The following IL15RA variants were observed in gnomAD, a reference collection of about 807,000 sequenced individuals.
IL15RA encodes interleukin-15 receptor subunit alpha.
Under a neutral mutation model 24.2 loss-of-function variants are expected in IL15RA, and 26 were observed. The observed-to-expected ratio is 1.07, with a 90% CI of 0.79 to 1.49. The LOEUF is 1.49. Among genes scored for constraint, IL15RA ranks in the 40% most tolerant of loss-of-function variants. IL15RA has a pLI of 0.00. For synonymous variants in IL15RA, 166 were observed against 157.6 expected (o/e 1.05, Z -0.40); for missense variants, 354 against 356.4 (o/e 0.99, Z 0.05).
At chr10:5,976,245 G>C (rs960293233) in intron 1 of IL15RA, among the ~76,000 whole-genome samples, 7 of 135,756 alleles carry the variant, frequency 5.2e-5, no homozygotes, top group African/African-American at 8.0e-5. Flanking sequence ...TCATGAAAAC[G>C]AAACTTCAAG....
rs1835698506 is a variant in IL15RA at position 5,962,206 on chromosome 10, C to G, written c.382+1537G>C. Among the ~76,000 whole-genome samples, 1 of 152,204 alleles carries G rather than the reference C, an allele frequency of 6.6e-6. No individual in the cohort carries two copies. The highest frequency in any genetic ancestry group is 1.5e-5 in the Non-Finnish European group (1 of 68,034). ...TTAAATGGAGCCAGCCCCTCAACCC[C>G]TTCCTCCCTGTGCAGGTGACTCACT... On this transcript the variant is annotated intron_variant, in intron 3 of 6. Coordinates refer to ENST00000379977, the MANE Select transcript of IL15RA (RefSeq NM_002189.4). The surrounding 1 kb of genome is among the most constrained non-coding windows in gnomAD (Gnocchi z 5.2).
intron 1 of IL15RA, among the ~76,000 whole-genome samples, chr10:5,976,584 TAAAG>T (rs1430931862): frequency 6.6e-6 from 1 of 152,102 alleles, no homozygotes; most frequent in Non-Finnish European, 1.5e-5. Flanking sequence ...TATAAAAAGA[TAAAG>T]AAGCGCTGAC....
Position 5,970,230 on chromosome 10 carries a change from C to T in IL15RA, c.89-3891G>A, listed in dbSNP as rs921774798. Among the ~76,000 whole-genome samples the T allele has an allele frequency of 6.6e-5, 10 of 152,228 alleles. No individual in the cohort carries two copies. The highest frequency in any genetic ancestry group is 1.9e-4 in the African/African-American group (8 of 41,522). ...CTTTACCTTATCACAGTTTTCCTTC[C>T]GGTGATGTTATACCACCACATACAT... On this transcript the variant is annotated intron_variant, in intron 1 of 6. Coordinates refer to ENST00000379977, the MANE Select transcript of IL15RA (RefSeq NM_002189.4). This position sits in a 1 kb window ranked among gnomAD's most constrained non-coding sequence, Gnocchi z 4.1.
At position 5,952,827 on chromosome 10, in the gene IL15RA, G is replaced by T. The variant is rs1833997667; in HGVS notation, c.*268C>A. On this transcript the variant is annotated 3_prime_UTR_variant, in exon 7 of 7. Coordinates refer to ENST00000379977, the MANE Select transcript of IL15RA (RefSeq NM_002189.4). ...CACACTGTAATGAAATAAAAATCCT[G>T]CTCAGAAGCCTTTGGTCTCTCCTGG... 2 of 543,408 alleles carry T rather than the reference G, an allele frequency of 3.7e-6. No individual in the cohort carries two copies. The highest frequency in any genetic ancestry group is 6.5e-6 in the Non-Finnish European group (2 of 307,928). The allele number at this position is 543,408 out of a possible 1,614,324, so 33.7% of individuals were successfully genotyped here.
chr10:5,961,948 C>A lies in IL15RA; in HGVS notation c.383-1381G>T, dbSNP rs1455658467. ...GCTCACTGCCAATGCTCCAGGGCTCCCTGCACAGGACGCACCAAGGCATCC... is the reference window on the plus strand; with the variant it reads ...GCTCACTGCCAATGCTCCAGGGCTCACTGCACAGGACGCACCAAGGCATCC... On this transcript the variant is annotated intron_variant, in intron 3 of 6. Transcript: ENST00000379977. The surrounding 1 kb of genome is among the most constrained non-coding windows in gnomAD (Gnocchi z 5.2). Among the ~76,000 whole-genome samples the A allele has an allele frequency of 1.3e-5, 2 of 152,206 alleles. No individual in the cohort carries two copies. Among genetic ancestry groups the A allele is most frequent in the Non-Finnish European group, 2.9e-5 (2 of 68,028 alleles).
At position 5,958,700 on chromosome 10, in the gene IL15RA, A is replaced by G. The variant is rs1311040670; in HGVS notation, c.616+1054T>C. ...CCTCGCCCAGCCTGATTGTTTTTTA[A>G]ACGATTCTAATCAATTAACTGCTAA... On this transcript the variant is annotated intron_variant, in intron 5 of 6. Coordinates refer to ENST00000379977, the MANE Select transcript of IL15RA (RefSeq NM_002189.4). This position sits in a 1 kb window ranked among gnomAD's most constrained non-coding sequence, Gnocchi z 4.3. Among the ~76,000 whole-genome samples, 1 of 151,998 alleles carries G rather than the reference A, an allele frequency of 6.6e-6. No homozygotes were observed. The highest frequency in any genetic ancestry group is 1.5e-5 in the Non-Finnish European group (1 of 67,978).
upstream of IL15RA, chr10:5,978,282 T>A (rs1198448773): frequency 1.3e-5 from 2 of 152,664 alleles, no homozygotes; most frequent in African/African-American, 4.8e-5. The surrounding 1 kb of genome is among the most constrained non-coding windows in gnomAD (Gnocchi z 5.2). Flanking sequence ...TGAGCCTCGC[T>A]TCCTTAGGTT....
At chr10:5,972,045 G>A (rs971724677) in intron 1 of IL15RA, among the ~76,000 whole-genome samples, 3 of 152,176 alleles carry the variant, frequency 2.0e-5, no homozygotes, top group Non-Finnish European at 2.9e-5. Context: ...CATTGACACC[G>A]CCTGTGTTCA....
At position 5,952,994 on chromosome 10, in the gene IL15RA, T is replaced by A. The variant is rs1013915244; in HGVS notation, c.*101A>T. 2 of 865,708 alleles carry A rather than the reference T, an allele frequency of 2.3e-6. No individual in the cohort carries two copies. Among genetic ancestry groups the A allele is most frequent in the Non-Finnish European group, 3.8e-6 (2 of 528,080 alleles). 53.6% of individuals were successfully genotyped at this position (865,708 alleles called of 1,614,324 possible). A position where few individuals can be genotyped will look rare whatever the true frequency, so the allele number is the denominator to read the frequency against. Reference sequence around the variant, plus strand: ...GGACTTCTGAGAGGCCTGGTGAGCTTGCTCCTGGAGCCCGCTTCCTTGCAC... The same window carrying A: ...GGACTTCTGAGAGGCCTGGTGAGCTAGCTCCTGGAGCCCGCTTCCTTGCAC... On this transcript the variant is annotated 3_prime_UTR_variant, in exon 7 of 7. Transcript: ENST00000379977.
Position 5,960,634 on chromosome 10 carries a change from G to T in IL15RA, c.383-67C>A. The T allele has an allele frequency of 7.3e-7, 1 of 1,363,702 alleles. No individual in the cohort carries two copies. The highest frequency in any genetic ancestry group is 1.0e-6 in the Non-Finnish European group (1 of 968,844). The allele number at this position is 1,363,702 out of a possible 1,614,324, so 84.5% of individuals were successfully genotyped here. ...CTCCCCTCCTCTCAGCTGCAGCACG[G>T]GGTGATGTGGGAGCTGCCATAGTGA... On this transcript the variant is annotated intron_variant, in intron 3 of 6. Transcript: ENST00000379977. The surrounding 1 kb of genome is among the most constrained non-coding windows in gnomAD (Gnocchi z 5.1).
rs1199788523 is a variant in IL15RA at position 5,973,709 on chromosome 10, A to G, written c.88+3696T>C. Among the ~76,000 whole-genome samples, 1 of 152,262 alleles carries G rather than the reference A, an allele frequency of 6.6e-6. No homozygotes were observed. The highest frequency in any genetic ancestry group is 2.4e-5 in the African/African-American group (1 of 41,466). Reference sequence around the variant, plus strand: ...AGCCATAAATGTAAACCCTAAAGCTATAAAACTTCTAGAGGAACACATAGA... The same window carrying G: ...AGCCATAAATGTAAACCCTAAAGCTGTAAAACTTCTAGAGGAACACATAGA... On this transcript the variant is annotated intron_variant, in intron 1 of 6. Coordinates refer to ENST00000379977, the MANE Select transcript of IL15RA (RefSeq NM_002189.4). This position sits in a 1 kb window ranked among gnomAD's most constrained non-coding sequence, Gnocchi z 4.5.
In IL15RA at chr10:5,960,288, G is replaced by A; in HGVS notation, c.583+79C>T. ...GACTTTGGATTGATGGTATAAAGCT[G>A]CCTTGTGCCGGATCTCAGCCCCGAT... On this transcript the variant is annotated intron_variant, in intron 4 of 6. Transcript: ENST00000379977. This position sits in a 1 kb window ranked among gnomAD's most constrained non-coding sequence, Gnocchi z 5.1. 7.6e-7 allele frequency: 1 copy of A among 1,309,190 alleles called. No homozygotes were observed. The highest frequency in any genetic ancestry group is 1.1e-6 in the Non-Finnish European group (1 of 907,862). The allele number at this position is 1,309,190 out of a possible 1,614,324, so 81.1% of individuals were successfully genotyped here. A position where few individuals can be genotyped will look rare whatever the true frequency, so the allele number is the denominator to read the frequency against.
At chr10:5,969,060 T>C (rs1837116654) in intron 1 of IL15RA, 3 of 1,203,564 alleles carry the variant, frequency 2.5e-6, no homozygotes, top group African/African-American at 3.0e-5. Context: ...CACCAATCGA[T>C]TCCATCGATC....
intron 6 of IL15RA, among the ~76,000 whole-genome samples, chr10:5,954,315 T>C (rs1228275507): frequency 7.2e-5 from 11 of 152,118 alleles, no homozygotes; most frequent in Non-Finnish European, 1.6e-4. Flanking sequence ...GGTTTCACCA[T>C]GTTGGCCAGG....
chr10:5,966,178 C>A lies in IL15RA; in HGVS notation c.250G>T (p.Ala84Ser). ...TTGAGACTGGGGGTTGTCCAGTGGGCGACATTCGTGGCCTTGTTCAACACG... is the reference window on the plus strand; with the variant it reads ...TTGAGACTGGGGGTTGTCCAGTGGGAGACATTCGTGGCCTTGTTCAACACG... The part of the protein sequence containing the change: ...ECVLNKATNV[A>S]HWTTPSLKCI... The change falls in exon 2 of 7, where the codon GCC becomes TCC. Residue 84 changes from alanine (A) to serine (S), a missense_variant. Physicochemically the swap from Ala to Ser is moderately conservative, Grantham distance 99 (BLOSUM62 1). Coordinates refer to ENST00000379977, the MANE Select transcript of IL15RA (RefSeq NM_002189.4). The surrounding 1 kb of genome is among the most constrained non-coding windows in gnomAD (Gnocchi z 6.4). The A allele has an allele frequency of 6.2e-7, 1 of 1,611,950 alleles. No individual in the cohort carries two copies. The highest frequency in any genetic ancestry group is 1.1e-5 in the South Asian group (1 of 91,046).
chr10:5,953,142 TC>T lies in IL15RA; in HGVS notation c.756del (p.Thr253ProfsTer24), dbSNP rs747204291. 5 of 1,614,044 alleles carry T rather than the reference TC, an allele frequency of 3.1e-6. No homozygotes were observed. Among genetic ancestry groups the T allele is most frequent in the Non-Finnish European group, 4.2e-6 (5 of 1,180,024 alleles). On this transcript the variant is annotated frameshift_variant, in exon 7 of 7. Transcript: ENST00000379977. LOFTEE classifies it low-confidence loss of function (END_TRUNC). This position sits in a 1 kb window ranked among gnomAD's most constrained non-coding sequence, Gnocchi z 5.3. ...EAMEALPVTW[G>X]TSSRDEDLEN... ...TCCAAGTCTTCATCTCTGCTGCTGG[TC>T]CCCCAAGTCACCGGCAGAGCCTCCA...
At position 5,965,431 on chromosome 10, in the gene IL15RA, C is replaced by T. The variant is rs1207771633; in HGVS notation, c.283+714G>A. Among the ~76,000 whole-genome samples the T allele has an allele frequency of 6.6e-6, 1 of 152,252 alleles. No individual in the cohort carries two copies. Among genetic ancestry groups the T allele is most frequent in the Non-Finnish European group, 1.5e-5 (1 of 68,048 alleles). Reference sequence around the variant, plus strand: ...ACACTAGCGTGCTCATGAGTGCCCGCCCAGCTCTGCAGCCAAATTCTCCTG... The same window carrying T: ...ACACTAGCGTGCTCATGAGTGCCCGTCCAGCTCTGCAGCCAAATTCTCCTG... On this transcript the variant is annotated intron_variant, in intron 2 of 6. Coordinates refer to ENST00000379977, the MANE Select transcript of IL15RA (RefSeq NM_002189.4). This position sits in a 1 kb window ranked among gnomAD's most constrained non-coding sequence, Gnocchi z 5.8.
Position 5,956,396 on chromosome 10 carries a change from T to C in IL15RA, c.675A>G (p.Ala225=), listed in dbSNP as rs1335117526. ...LCGLSAVSLL[A]CYLKSRQTPP... ...CAACTCACCTTGACTTGAGGTAGCATGCCAGGAGAGACACAGCGCTCAGCC... is the reference window on the plus strand; with the variant it reads ...CAACTCACCTTGACTTGAGGTAGCACGCCAGGAGAGACACAGCGCTCAGCC... Residue 225 remains alanine (A), a synonymous_variant, in exon 6 of 7, where the codon GCA becomes GCG. Transcript: ENST00000379977. The C allele has an allele frequency of 6.2e-7, 1 of 1,613,682 alleles. No homozygotes were observed. Among genetic ancestry groups the C allele is most frequent in the African/African-American group, 1.3e-5 (1 of 74,880 alleles).
At position 5,953,087 on chromosome 10, in the gene IL15RA, C is replaced by T. The variant is rs8177743; in HGVS notation, c.*8G>A. ...CTCCGGACTTAGCTGGGCTGGTTTC[C>T]CCGAGTTTCATAGGTGGTGAGAGCA... On this transcript the variant is annotated 3_prime_UTR_variant, in exon 7 of 7. Transcript: ENST00000379977. This position sits in a 1 kb window ranked among gnomAD's most constrained non-coding sequence, Gnocchi z 5.3. 2.9e-4 allele frequency: 458 copies of T among 1,603,564 alleles called. 1 individual carries two copies. In the African/African-American group the frequency reaches 3.6e-3, roughly 13 times the overall value.
Sources: gnomAD v4.1 joint callset for allele counts (sites outside exome capture counted in the v4.1 genomes callset) on GRCh38, gnomAD v4.1.1 for gene constraint, Gnocchi (gnomAD v3.1) non-coding constraint, MANE v1.5 for transcripts, NCBI Gene and HGNC (gene_info 2026-07-23, HGNC 2026-07-21) for gene names.